Variants in DMXL2 observed in about 807,000 individuals in gnomAD.
DMXL2 encodes dmX-like protein 2.
Under a neutral mutation model 331.1 loss-of-function variants are expected in DMXL2, and 103 were observed. The observed-to-expected ratio is 0.31, with a 90% confidence interval of 0.27 to 0.37. The LOEUF (loss-of-function observed/expected upper bound fraction) is 0.37. Among genes scored for constraint, DMXL2 ranks in the 10% least tolerant of loss-of-function variants. The pLI is 1.00. For synonymous variants in DMXL2, 1,281 were observed against 1,252.1 expected (o/e 1.02, Z -0.49); for missense variants, 3,171 against 3,642.9 (o/e 0.87, Z 3.33).
chr15:51,478,174 G>A (rs973636260), intron 26 of DMXL2, 97 bp downstream of exon 26: 3 of 871,514 alleles, frequency 3.4e-6, no homozygotes, highest in Non-Finnish European at 3.5e-6. Flanking sequence ...TCATATTTAG[G>A]GATTTTTCAG....
chr15:51,471,854 T>C (rs2041145242), intron 28 of DMXL2, among the ~76,000 whole-genome samples: 3 of 152,054 alleles, frequency 2.0e-5, no homozygotes, highest in South Asian at 2.1e-4. Context: ...AAATGAGGAG[T>C]AAATTACTTT....
chr15:51,460,423 GTGGCACAGCTAACTCA>G, intron 33 of DMXL2: 24 of 962,390 alleles, frequency 2.5e-5, no homozygotes, highest in Non-Finnish European at 2.8e-5. Context: ...TGGTCAATGT[GTGGCACAGCTAACTCA>G]GTGAAGGCCA....
chr15:51,592,704 C>A (rs2052477123), intron 1 of DMXL2, among the ~76,000 whole-genome samples: 1 of 152,268 alleles, frequency 6.6e-6, no homozygotes, highest in Admixed American at 6.5e-5. Flanking sequence ...ATCAGACTAA[C>A]AGCTGATCTC....
chr15:51,506,866 T>G (rs1019806460), intron 16 of DMXL2, among the ~76,000 whole-genome samples: 1 of 152,230 alleles, frequency 6.6e-6, no homozygotes, highest in Non-Finnish European at 1.5e-5. Flanking sequence ...ACAGTCATAA[T>G]GTACACTCAA....
At chr15:51,558,204 G>C (rs1261825562) in intron 6 of DMXL2, among the ~76,000 whole-genome samples, 2 of 152,188 alleles carry the variant, frequency 1.3e-5, no homozygotes, top group Admixed American at 1.3e-4. Flanking sequence ...CGGGTTCCCA[G>C]AGGACCCAGA....
chr15:51,621,327 C>T (rs1422802379), intron 1 of DMXL2, among the ~76,000 whole-genome samples: 1 of 152,224 alleles, frequency 6.6e-6, no homozygotes, highest in Non-Finnish European at 1.5e-5. Context: ...CATAATGATT[C>T]TGCAGTTTTG....
At chr15:51,515,348 T>C (rs1175984141) in intron 14 of DMXL2, among the ~76,000 whole-genome samples, 4 of 152,098 alleles carry the variant, frequency 2.6e-5, no homozygotes, top group African/African-American at 9.7e-5. Context: ...GCAGCTATGA[T>C]TATCTTGGCA....
chr15:51,586,955 A>G (rs2051877325), intron 1 of DMXL2, among the ~76,000 whole-genome samples: 2 of 147,870 alleles, frequency 1.4e-5, no homozygotes, highest in Non-Finnish European at 3.0e-5. Context: ...AGAATAAACC[A>G]TTCAAAGTAT....
chr15:51,577,918 TAC>T (rs2051154458), intron 1 of DMXL2, among the ~76,000 whole-genome samples: 1 of 152,206 alleles, frequency 6.6e-6, no homozygotes, highest in South Asian at 2.1e-4. Context: ...ATGGAAAATT[TAC>T]ACAGTCATTT....
intron 37 of DMXL2, among the ~76,000 whole-genome samples, chr15:51,456,972 G>T (rs2039678798): frequency 6.6e-6 from 1 of 152,106 alleles, no homozygotes; most frequent in South Asian, 2.1e-4. Context: ...AGGAGTTCGA[G>T]AACAGCCTGG....
intron 6 of DMXL2, among the ~76,000 whole-genome samples, chr15:51,555,404 G>A (rs1332705333): frequency 6.6e-6 from 1 of 152,078 alleles, no homozygotes; most frequent in African/African-American, 2.4e-5. Context: ...AAGAGGTACA[G>A]GCAAAAAATA....
At chr15:51,580,833 T>G (rs1329421130) in intron 1 of DMXL2, among the ~76,000 whole-genome samples, 1 of 152,208 alleles carries the variant, frequency 6.6e-6, no homozygotes, top group Non-Finnish European at 1.5e-5. Context: ...CCCTCACTTG[T>G]TATAATCCTA....
rs769283309 is a variant in DMXL2 at position 51,502,306 on chromosome 15, T to TTGTGTGTGTGTG, written c.2992+488_2992+499dup. On this transcript the variant is annotated intron_variant, in intron 17 of 43. Coordinates refer to ENST00000560891, the MANE Select transcript of DMXL2 (RefSeq NM_001378457.1). ...ATTTATCACAGGAAATTTTGTGGGT[T>TTGTGTGTGTGTG]TGTGTGTGTGTGTGTGTGTGTGTGT... Among the ~76,000 whole-genome samples the TTGTGTGTGTGTG allele has an allele frequency of 4.4e-3, 618 of 140,618 alleles. 4 individuals are homozygous for TTGTGTGTGTGTG. Among genetic ancestry groups the TTGTGTGTGTGTG allele is most frequent in the African/African-American group, 0.011 (415 of 37,046 alleles). The allele number at this position is 140,618 out of a possible 152,430, so 92.3% of individuals were successfully genotyped here.
At chr15:51,511,591 G>A (rs2046758550) in intron 15 of DMXL2, among the ~76,000 whole-genome samples, 1 of 152,184 alleles carries the variant, frequency 6.6e-6, no homozygotes, top group African/African-American at 2.4e-5. Flanking sequence ...CACTGTTGGT[G>A]GGAGTATAAA....
At chr15:51,560,025 A>C (rs1450122101) in intron 6 of DMXL2, among the ~76,000 whole-genome samples, 3 of 152,242 alleles carry the variant, frequency 2.0e-5, no homozygotes, top group African/African-American at 7.2e-5. Flanking sequence ...TACATGTCAG[A>C]AATGGTATGG....
chr15:51,564,108 T>C lies in DMXL2; in HGVS notation c.500+17A>G, dbSNP rs777130265. 5.7e-6 allele frequency: 9 copies of C among 1,578,186 alleles called. No homozygotes were observed. The South Asian group carries it at 7.2e-5, about 13-fold the overall frequency. ...TGCTTTTAATTAATGAATATAACAA[T>C]AGAAATAGACACTAACTTGCACTGC... On this transcript the variant is annotated intron_variant, in intron 5 of 43. Coordinates refer to ENST00000560891, the MANE Select transcript of DMXL2 (RefSeq NM_001378457.1).
intron 43 of DMXL2, 151 bp downstream of exon 43, chr15:51,449,978 T>C (rs945392078): frequency 8.9e-6 from 6 of 674,502 alleles, no homozygotes; most frequent in Non-Finnish European, 1.5e-5. Flanking sequence ...TACAGGAGCA[T>C]GGGGAGGCGG....
intron 1 of DMXL2, among the ~76,000 whole-genome samples, chr15:51,613,983 G>A (rs1220259355): frequency 6.6e-6 from 1 of 152,148 alleles, no homozygotes; most frequent in Non-Finnish European, 1.5e-5. Context: ...GGACTATATT[G>A]TGTAACCCCA....
Position 51,606,832 on chromosome 15 carries a change from A to C in DMXL2, c.87+15627T>G, listed in dbSNP as rs76133425. Among the ~76,000 whole-genome samples the C allele has an allele frequency of 9.5e-3, 1,454 of 152,330 alleles. 19 individuals carry two copies. The highest frequency in any genetic ancestry group is 0.033 in the African/African-American group (1,384 of 41,580). ...GGATTTGCAAATTGATTAGAAAAAA[A>C]CATCTAGAATGTTGCACAAAAGGAT... On this transcript the variant is annotated intron_variant, in intron 1 of 43. Transcript: ENST00000560891.
Sources: allele counts gnomAD v4.1 joint callset (sites outside exome capture counted in the v4.1 genomes callset), GRCh38; gene constraint gnomAD v4.1.1; transcripts MANE v1.5; gene names NCBI Gene and HGNC (gene_info 2026-07-23, HGNC 2026-07-21).